PLXNC1: variants seen among roughly 807,000 people sequenced by gnomAD.
The protein encoded by PLXNC1 is plexin-C1.
Under a neutral mutation model 178.2 loss-of-function variants are expected in PLXNC1, and 75 were observed. That is an observed-to-expected ratio of 0.42 (90% CI 0.35 to 0.51). PLXNC1 has a LOEUF of 0.51. Among genes scored for constraint, PLXNC1 ranks in the 20% least tolerant of loss-of-function variants. PLXNC1 has a pLI of 0.02. For synonymous variants in PLXNC1, 790 were observed against 779.9 expected, an observed-to-expected ratio of 1.01 and a Z score of -0.22; for missense variants, 1,503 against 1,984.4, an observed-to-expected ratio of 0.76 and a Z score of 4.61.
intron 21 of PLXNC1, among the ~76,000 whole-genome samples, chr12:94,273,743 T>C (rs1380423327): frequency 1.3e-5 from 2 of 152,120 alleles, no homozygotes; most frequent in African/African-American, 2.4e-5. Flanking sequence ...GCAAAGTAAA[T>C]GGTCATCAAT....
At chr12:94,228,564 T>G (rs75847034) in intron 9 of PLXNC1, among the ~76,000 whole-genome samples, 4,860 of 152,258 alleles carry the variant, frequency 0.032, 128 homozygotes, top group African/African-American at 0.066. Flanking sequence ...ATAATAACTC[T>G]TCATCTCTCC....
intron 21 of PLXNC1, among the ~76,000 whole-genome samples, chr12:94,276,046 C>T (rs1348564299): frequency 6.6e-6 from 1 of 152,182 alleles, no homozygotes; most frequent in Non-Finnish European, 1.5e-5. Flanking sequence ...CATTATTTTA[C>T]ATCCAGTTAA....
intron 23 of PLXNC1, among the ~76,000 whole-genome samples, chr12:94,289,570 T>C (rs919301209): frequency 8.5e-5 from 13 of 152,152 alleles, no homozygotes; most frequent in African/African-American, 3.1e-4. Context: ...TAGGGGACGA[T>C]TAATGAGTCA....
At chr12:94,172,215 G>A (rs1286630249) in intron 2 of PLXNC1, among the ~76,000 whole-genome samples, 1 of 152,194 alleles carries the variant, frequency 6.6e-6, no homozygotes, top group African/African-American at 2.4e-5. Context: ...CAGACAGTAG[G>A]AGGAGGAGAA....
chr12:94,250,587 A>G (rs796718394), intron 14 of PLXNC1, among the ~76,000 whole-genome samples: 6 of 152,304 alleles, frequency 3.9e-5, no homozygotes, highest in African/African-American at 1.2e-4. Context: ...ACATCAGTGA[A>G]ATAATTAAGC....
rs1329925948 is a variant in PLXNC1 at position 94,149,016 on chromosome 12, C to T, written c.45C>T (p.Pro15=). The change falls in exon 1 of 31, where the codon CCC becomes CCT. Residue 15 remains proline (P), a synonymous_variant. Transcript: ENST00000258526. ...RRKAPPRPPR[P]AAPLPLLAYL... Reference sequence around the variant, plus strand: ...AGGCGCCGCCGCGCCCCCCGCGCCCCGCAGCGCCACTGCCCCTGCTCGCCT... The same window carrying T: ...AGGCGCCGCCGCGCCCCCCGCGCCCTGCAGCGCCACTGCCCCTGCTCGCCT... The T allele has an allele frequency of 2.7e-6, 4 of 1,480,032 alleles. No homozygotes were observed. The highest frequency in any genetic ancestry group is 3.6e-6 in the Non-Finnish European group (4 of 1,123,098). The allele number at this position is 1,480,032 out of a possible 1,614,324, so 91.7% of individuals were successfully genotyped here. A position where few individuals can be genotyped will look rare whatever the true frequency, so the allele number is the denominator to read the frequency against.
At chr12:94,164,691 AC>A (rs1961533177) in intron 1 of PLXNC1, among the ~76,000 whole-genome samples, 1 of 149,204 alleles carries the variant, frequency 6.7e-6, no homozygotes, top group Admixed American at 6.6e-5. Flanking sequence ...ACACACACAC[AC>A]ACACACACAC....
rs1365765739 is a variant in PLXNC1 at position 94,162,906 on chromosome 12, T to G, written c.1063-6247T>G. On this transcript the variant is annotated intron_variant, in intron 1 of 30. Transcript: ENST00000258526. ...ATGTTGAGAAATGTTGGGGAGAGAC[T>G]TTCACAGTAGTCAACATAATAGAGG... 2.0e-5 allele frequency among the ~76,000 whole-genome samples: 3 copies of G among 152,252 alleles called. No homozygotes were observed. In the South Asian group the frequency reaches 6.2e-4, roughly 32 times the overall value.
At chr12:94,179,118 G>C (rs11107427) in intron 2 of PLXNC1, among the ~76,000 whole-genome samples, 1 of 152,170 alleles carries the variant, frequency 6.6e-6, no homozygotes, top group Non-Finnish European at 1.5e-5. Context: ...AAGTGAATGC[G>C]GGAAGTTGCT....
chr12:94,290,722 G>A (rs1967229520), intron 23 of PLXNC1, among the ~76,000 whole-genome samples: 1 of 152,232 alleles, frequency 6.6e-6, no homozygotes, highest in Non-Finnish European at 1.5e-5. Context: ...GATAACCAAT[G>A]TGCAGCAGGC....
rs1422517539 is a variant in PLXNC1, at chr12:94,169,200, C to G, written c.1110C>G (p.Thr370=). 6.2e-7 allele frequency: 1 copy of G among 1,613,632 alleles called. No individual in the cohort carries two copies. The highest frequency in any genetic ancestry group is 2.2e-5 in the East Asian group (1 of 44,902). ...PERVQPIASS[T]LIHSDLTSVY... The stretch of plus-strand genomic sequence containing the variant: ...GAGTCCAACCAATCGCATCATCTAC[C>G]TTGATCCATTCCGACCTGACATCCG... The change falls in exon 2 of 31, where the codon ACC becomes ACG. Residue 370 remains threonine, a synonymous_variant. Transcript: ENST00000258526.
intron 1 of PLXNC1, among the ~76,000 whole-genome samples, chr12:94,157,488 A>G (rs539515633): frequency 6.6e-6 from 1 of 152,184 alleles, no homozygotes; most frequent in Non-Finnish European, 1.5e-5. Context: ...TTTTCTTATT[A>G]TGTTTTTTAT....
At chr12:94,292,947 A>G (rs1022381823) in intron 23 of PLXNC1, among the ~76,000 whole-genome samples, 4 of 152,212 alleles carry the variant, frequency 2.6e-5, no homozygotes, top group Non-Finnish European at 4.4e-5. Context: ...ATATCCTGAA[A>G]CTACCACCCA....
chr12:94,220,175 C>A lies in PLXNC1; in HGVS notation c.1702+12C>A. The A allele has an allele frequency of 6.2e-7, 1 of 1,607,842 alleles. No homozygotes were observed. Among genetic ancestry groups the A allele is most frequent in the African/African-American group, 1.3e-5 (1 of 74,576 alleles). On this transcript the variant is annotated intron_variant, in intron 6 of 30. Transcript: ENST00000258526. ...AGCAACCTACAAAGGTATGTGGATTCTTCTGGGTTATTTTTGTTATAAAAT... is the reference window on the plus strand; with the variant it reads ...AGCAACCTACAAAGGTATGTGGATTATTCTGGGTTATTTTTGTTATAAAAT...
rs1336054021 is a variant in PLXNC1, at chr12:94,157,224, C to T, written c.1062+7191C>T. Among the ~76,000 whole-genome samples, 4 of 152,310 alleles carry T rather than the reference C, an allele frequency of 2.6e-5. No homozygotes were observed. The East Asian group carries it at 5.8e-4, about 22-fold the overall frequency. ...AGAGGATCAAACATGCAATTGTCCC[C>T]AGCAGGTGCTGCAGGTGGATTCCCT... On this transcript the variant is annotated intron_variant, in intron 1 of 30. Transcript: ENST00000258526.
intron 6 of PLXNC1, among the ~76,000 whole-genome samples, chr12:94,223,856 T>C (rs1479345770): frequency 6.6e-6 from 1 of 152,234 alleles, no homozygotes; most frequent in African/African-American, 2.4e-5. Flanking sequence ...TTTCATGTTC[T>C]AGGCACTTCT....
chr12:94,197,742 G>A (rs1420170978), intron 4 of PLXNC1, among the ~76,000 whole-genome samples: 3 of 152,042 alleles, frequency 2.0e-5, no homozygotes, highest in Non-Finnish European at 4.4e-5. Context: ...TACAAGTAAT[G>A]GATTCAACTC....
Position 94,195,442 on chromosome 12 carries a change from C to T in PLXNC1, c.1439+8969C>T, listed in dbSNP as rs149192115. Among the ~76,000 whole-genome samples, 9 of 152,196 alleles carry T rather than the reference C, an allele frequency of 5.9e-5. 1 individual carries two copies. Among genetic ancestry groups the T allele is most frequent in the African/African-American group, 2.2e-4 (9 of 41,506 alleles). ...GCCCCACTTGCTCTGGTTTTAGTGC[C>T]ATGATGGAATCAGGGCTGGGTCCTC... On this transcript the variant is annotated intron_variant, in intron 4 of 30. Coordinates refer to ENST00000258526, the MANE Select transcript of PLXNC1 (RefSeq NM_005761.3).
chr12:94,279,841 C>T (rs554061804), intron 22 of PLXNC1, 192 bp downstream of exon 22: 6 of 700,330 alleles, frequency 8.6e-6, no homozygotes, highest in South Asian at 4.5e-5. Flanking sequence ...CCTGATTCTT[C>T]GAAGGAAGCA....
Sources: allele counts gnomAD v4.1 joint callset (sites outside exome capture counted in the v4.1 genomes callset), GRCh38; gene constraint gnomAD v4.1.1; transcripts MANE v1.5; gene names NCBI Gene and HGNC (gene_info 2026-07-23, HGNC 2026-07-21).